Variants in DCC observed in about 807,000 individuals in gnomAD.
The protein encoded by DCC is DCC netrin 1 receptor.
DCC carries 58 observed loss-of-function variants against 172.5 expected under a neutral mutation model. The observed-to-expected ratio is 0.34, with a 90% CI of 0.27 to 0.42. DCC has a LOEUF of 0.42. DCC is among the 10% of genes least tolerant of loss of function. DCC has a pLI of 1.00. For missense variants in DCC, 1,740 were observed against 1,791.0 expected, an observed-to-expected ratio of 0.97 and a Z score of 0.51; for synonymous variants, 709 against 644.5, an observed-to-expected ratio of 1.10 and a Z score of -1.52.
intron 21 of DCC, among the ~76,000 whole-genome samples, chr18:53,417,838 C>A (rs1910409447): frequency 1.3e-5 from 2 of 152,026 alleles, no homozygotes; most frequent in Admixed American, 1.3e-4. Context: ...TTTAAGGTAA[C>A]TGTTTTGCAT....
At chr18:52,867,851 G>A (rs939584874) in intron 2 of DCC, among the ~76,000 whole-genome samples, 3 of 152,026 alleles carry the variant, frequency 2.0e-5, no homozygotes, top group Non-Finnish European at 2.9e-5. Context: ...ATTCTAAGTA[G>A]GCTGTCTGAA....
At chr18:53,092,946 T>C (rs2043034988) in intron 7 of DCC, among the ~76,000 whole-genome samples, 1 of 150,752 alleles carries the variant, frequency 6.6e-6, no homozygotes, top group African/African-American at 2.5e-5. Flanking sequence ...AGATACATTC[T>C]ATCTCTGATA....
chr18:52,802,586 C>T (rs2038012646), intron 2 of DCC, among the ~76,000 whole-genome samples: 1 of 147,154 alleles, frequency 6.8e-6, no homozygotes, highest in South Asian at 2.2e-4. Context: ...TCAAGTGGTC[C>T]TCCTGTTTCA....
intron 6 of DCC, 87 bp downstream of exon 6, chr18:53,063,546 A>G: frequency 1.7e-6 from 2 of 1,175,776 alleles, no homozygotes; most frequent in Non-Finnish European, 2.5e-6. Flanking sequence ...AAAAAAAAAA[A>G]GGTTCCTGTT....
chr18:52,478,146 A>G (rs1339825565), intron 1 of DCC, among the ~76,000 whole-genome samples: 12 of 152,066 alleles, frequency 7.9e-5, no homozygotes, highest in Admixed American at 7.9e-4. Context: ...ACAATCCTAC[A>G]TTTTATATAT....
chr18:52,645,732 A>C (rs11662929), intron 1 of DCC, among the ~76,000 whole-genome samples: 106 of 152,280 alleles, frequency 7.0e-4, no homozygotes. Context: ...CAGCCCGTTC[A>C]GATGTAGCAG....
chr18:53,105,627 C>T (rs1276681082), intron 7 of DCC, among the ~76,000 whole-genome samples: 1 of 151,924 alleles, frequency 6.6e-6, no homozygotes, highest in Non-Finnish European at 1.5e-5. Context: ...TATTCATACA[C>T]TGGCTTCATT....
At chr18:53,493,970 A>G (rs2045989138) in intron 26 of DCC, among the ~76,000 whole-genome samples, 2 of 152,194 alleles carry the variant, frequency 1.3e-5, no homozygotes, top group South Asian at 4.1e-4. Flanking sequence ...ATTTAGTACT[A>G]TAACTTTCCC....
At chr18:52,973,854 T>A (rs1271194783) in intron 5 of DCC, among the ~76,000 whole-genome samples, 1 of 152,208 alleles carries the variant, frequency 6.6e-6, no homozygotes, top group East Asian at 1.9e-4. Context: ...CTTTCATTTC[T>A]ATAGGAGTGA....
chr18:53,263,095 A>G lies in DCC; in HGVS notation c.1912-42483A>G, dbSNP rs1252913094. On this transcript the variant is annotated intron_variant, in intron 12 of 28. Transcript: ENST00000442544. ...ACATGAACATATGTAAATGTTAAAA[A>G]ATCATCTCTTTTATTCTGAATGAAT... 3.3e-5 allele frequency among the ~76,000 whole-genome samples: 5 copies of G among 152,324 alleles called. No individual in the cohort carries two copies. In the South Asian group the frequency reaches 1.0e-3, roughly 32 times the overall value.
At chr18:52,858,515 A>G (rs759150464) in intron 2 of DCC, among the ~76,000 whole-genome samples, 1 of 152,230 alleles carries the variant, frequency 6.6e-6, no homozygotes. Context: ...TAGTAGAGGC[A>G]TACAATTCTC....
intron 1 of DCC, among the ~76,000 whole-genome samples, chr18:52,491,214 A>C (rs139430943): frequency 9.9e-5 from 15 of 152,190 alleles, no homozygotes; most frequent in African/African-American, 3.6e-4. Flanking sequence ...AATATGTTGT[A>C]TGTCATGCTC....
At chr18:52,345,465 G>C (rs548702906) in intron 1 of DCC, among the ~76,000 whole-genome samples, 1 of 152,122 alleles carries the variant, frequency 6.6e-6, no homozygotes, top group Non-Finnish European at 1.5e-5. Context: ...TATATCTTAA[G>C]GAATCATAGC....
chr18:53,496,241 C>T (rs576582972), intron 26 of DCC, among the ~76,000 whole-genome samples: 1 of 152,152 alleles, frequency 6.6e-6, no homozygotes, highest in South Asian at 2.1e-4. Context: ...TGGGACGAAG[C>T]TTCCAGAGGA....
chr18:53,463,180 A>G (rs558964623), intron 24 of DCC, among the ~76,000 whole-genome samples: 1 of 152,294 alleles, frequency 6.6e-6, no homozygotes, highest in South Asian at 2.1e-4. Context: ...TCACTGCCCT[A>G]AGGAGGTTTT....
intron 8 of DCC, among the ~76,000 whole-genome samples, chr18:53,158,007 C>T (rs1217149657): frequency 6.6e-6 from 1 of 152,072 alleles, no homozygotes; most frequent in Admixed American, 6.5e-5. Context: ...AAGACAAATG[C>T]TTGAGGTGAT....
chr18:52,565,941 G>C (rs537955273), intron 1 of DCC, among the ~76,000 whole-genome samples: 50 of 152,178 alleles, frequency 3.3e-4, no homozygotes, highest in African/African-American at 1.2e-3. Context: ...GTATTGCCTA[G>C]GTTTTCTTTG....
At chr18:52,596,805 C>A (rs373561502) in intron 1 of DCC, among the ~76,000 whole-genome samples, 10 of 152,156 alleles carry the variant, frequency 6.6e-5, no homozygotes, top group African/African-American at 2.4e-4. Context: ...AGAGCCAAAT[C>A]CTTCCTACAT....
At chr18:52,808,162 A>C (rs1334575776) in intron 2 of DCC, among the ~76,000 whole-genome samples, 1 of 150,982 alleles carries the variant, frequency 6.6e-6, no homozygotes, top group Admixed American at 6.6e-5. Flanking sequence ...TCACGTGCAC[A>C]CATATACAAG....
Sources: allele counts gnomAD v4.1 joint callset (sites outside exome capture counted in the v4.1 genomes callset), GRCh38; gene constraint gnomAD v4.1.1; transcripts MANE v1.5; gene names NCBI Gene and HGNC (gene_info 2026-07-23, HGNC 2026-07-21).